The following NEBL variants were observed in gnomAD, a reference collection of about 807,000 sequenced individuals.
The protein encoded by NEBL is LIM and SH3 protein 2.
Under a neutral mutation model 140.2 loss-of-function variants are expected in NEBL, and 122 were observed. The ratio of observed to expected loss-of-function variants is 0.87; its 90% CI spans 0.75 to 1.01. NEBL has a LOEUF of 1.01. Ranked by LOEUF, NEBL falls within the 50% of genes least tolerant of loss-of-function variation. The probability of loss-of-function intolerance (pLI) is 0.00; values close to 1 mark genes in which losing one functional copy is unlikely to be tolerated. For missense variants in NEBL, 1,365 were observed against 1,231.3 expected, an observed-to-expected ratio of 1.11 and a Z score of -1.62; for synonymous variants, 436 against 398.9, an observed-to-expected ratio of 1.09 and a Z score of -1.11.
At chr10:21,180,088 G>A (rs1008554741) in intron 3 of NEBL, among the ~76,000 whole-genome samples, 8 of 151,934 alleles carry the variant, frequency 5.3e-5, no homozygotes, top group Non-Finnish European at 1.2e-4. Flanking sequence ...AGTGAGCTGA[G>A]ATTGTGCCAC....
chr10:21,060,136 G>A (rs1009529895), intron 2 of NEBL, among the ~76,000 whole-genome samples: 3 of 152,288 alleles, frequency 2.0e-5, no homozygotes, highest in African/African-American at 7.2e-5. Flanking sequence ...AGGCAATGAT[G>A]AAGAGGTGCT....
intron 22 of NEBL, among the ~76,000 whole-genome samples, chr10:20,815,178 G>C (rs949606852): frequency 6.6e-6 from 1 of 152,204 alleles, no homozygotes; most frequent in African/African-American, 2.4e-5. Flanking sequence ...TGAATTCTAC[G>C]TTAACTGTAT....
intron 7 of NEBL, among the ~76,000 whole-genome samples, chr10:20,864,576 T>C (rs964712250): frequency 2.0e-5 from 3 of 152,188 alleles, no homozygotes; most frequent in Non-Finnish European, 2.9e-5. Flanking sequence ...ACTTTGACCA[T>C]TGCCTTGTCA....
At chr10:21,051,234 C>T (rs145002876) in intron 2 of NEBL, among the ~76,000 whole-genome samples, 27 of 152,296 alleles carry the variant, frequency 1.8e-4, no homozygotes, top group African/African-American at 6.0e-4. Context: ...TCGGAGATCA[C>T]ATTTTTTATT....
At chr10:21,026,578 C>T in intron 2 of NEBL, among the ~76,000 whole-genome samples, 1 of 152,190 alleles carries the variant, frequency 6.6e-6, no homozygotes, top group East Asian at 1.9e-4. Context: ...CCCTCCTGAG[C>T]ACTTAAGTCC....
chr10:20,978,448 A>G (rs1281947976), intron 3 of NEBL, among the ~76,000 whole-genome samples: 2 of 150,918 alleles, frequency 1.3e-5, no homozygotes, highest in African/African-American at 4.9e-5. Flanking sequence ...AAAACGAGTT[A>G]TTTGATTAAA....
intron 9 of NEBL, among the ~76,000 whole-genome samples, chr10:20,854,652 C>T (rs1313203490): frequency 6.8e-6 from 1 of 146,410 alleles, no homozygotes; most frequent in Admixed American, 7.0e-5. Flanking sequence ...GCAGCCTTGA[C>T]CTCCTGGGCT....
At chr10:21,082,322 T>C (rs994614078) in intron 2 of NEBL, among the ~76,000 whole-genome samples, 12 of 152,120 alleles carry the variant, frequency 7.9e-5, no homozygotes, top group Non-Finnish European at 1.6e-4. Flanking sequence ...GAGGATTAGA[T>C]CACAGTGATA....
At chr10:21,003,883 A>T (rs1342944131) in intron 3 of NEBL, among the ~76,000 whole-genome samples, 1 of 152,236 alleles carries the variant, frequency 6.6e-6, no homozygotes, top group Non-Finnish European at 1.5e-5. Flanking sequence ...GAAAGGGAAT[A>T]AAAAATATCT....
Position 21,038,532 on chromosome 10 carries a change from G to A in NEBL, c.165-18331C>T, listed in dbSNP as rs141400323. On this transcript the variant is annotated intron_variant, in intron 2 of 6. Transcript: ENST00000417816. ...CAGCTTCATCCATGTCCCTGCAAAA[G>A]ACATGAACTCATTCTTTTTTATGGC... 7.4e-3 allele frequency among the ~76,000 whole-genome samples: 1,120 copies of A among 152,312 alleles called. 40 individuals carry two copies. In the East Asian group the frequency reaches 0.088, roughly 12 times the overall value.
chr10:20,893,508 G>T (rs192522612), intron 2 of NEBL, among the ~76,000 whole-genome samples: 3 of 152,120 alleles, frequency 2.0e-5, no homozygotes, highest in Non-Finnish European at 2.9e-5. Flanking sequence ...GAAACTAGGT[G>T]GGGGGAGAAA....
At chr10:20,943,131 C>G (rs1294942031) in intron 4 of NEBL, among the ~76,000 whole-genome samples, 2 of 152,172 alleles carry the variant, frequency 1.3e-5, no homozygotes, top group African/African-American at 4.8e-5. Context: ...TATAAAGACA[C>G]ATGCACACGT....
At chr10:20,850,184 T>C (rs1395493297) in intron 11 of NEBL, among the ~76,000 whole-genome samples, 15 of 152,120 alleles carry the variant, frequency 9.9e-5, no homozygotes, top group Non-Finnish European at 4.4e-5. Flanking sequence ...TAGCTTGAGA[T>C]CCAATTCACC....
chr10:20,805,230 G>A (rs1038534148), intron 26 of NEBL, among the ~76,000 whole-genome samples: 1 of 152,184 alleles, frequency 6.6e-6, no homozygotes, highest in Non-Finnish European at 1.5e-5. Context: ...GAAGGGGGAA[G>A]CAGAGAGGTG....
At chr10:20,841,790 T>C (rs1268849535) in intron 12 of NEBL, among the ~76,000 whole-genome samples, 1 of 152,174 alleles carries the variant, frequency 6.6e-6, no homozygotes, top group Non-Finnish European at 1.5e-5. Context: ...TTTCTTCATC[T>C]CTTGGTTCTG....
chr10:20,951,025 T>A (rs1299207424), intron 4 of NEBL, among the ~76,000 whole-genome samples: 1 of 152,120 alleles, frequency 6.6e-6, no homozygotes, highest in Non-Finnish European at 1.5e-5. Flanking sequence ...ATCCCAGCAC[T>A]TTAGGAAGCT....
chr10:20,904,278 A>G (rs776160271), intron 4 of NEBL, among the ~76,000 whole-genome samples: 6 of 152,154 alleles, frequency 3.9e-5, no homozygotes, highest in African/African-American at 7.2e-5. Flanking sequence ...CTATTTGTAA[A>G]TGCATTTCAG....
chr10:20,955,524 G>A (rs561349426), intron 4 of NEBL, among the ~76,000 whole-genome samples: 1 of 152,278 alleles, frequency 6.6e-6, no homozygotes, highest in Admixed American at 6.5e-5. Context: ...AAAAGAAATC[G>A]AAGAACAGAG....
chr10:20,939,938 G>A (rs1834754734), intron 4 of NEBL, among the ~76,000 whole-genome samples: 2 of 151,978 alleles, frequency 1.3e-5, no homozygotes, highest in African/African-American at 4.8e-5. Flanking sequence ...CATAAAGCAA[G>A]TCCTTAGAGA....
Sources: gnomAD v4.1 joint callset for allele counts (sites outside exome capture counted in the v4.1 genomes callset) on GRCh38, gnomAD v4.1.1 for gene constraint, MANE v1.5 for transcripts, NCBI Gene and HGNC (gene_info 2026-07-23, HGNC 2026-07-21) for gene names.